ADAMTS20: variants seen among roughly 807,000 people sequenced by gnomAD.
ADAMTS20 encodes the protein A disintegrin and metalloproteinase with thrombospondin motifs 20.
A neutral mutation model predicts 260.1 loss-of-function variants in ADAMTS20; 225 were observed. That is an observed-to-expected ratio of 0.87 (90% confidence interval 0.78 to 0.97). ADAMTS20 has a LOEUF of 0.97. Ranked by LOEUF, ADAMTS20 falls within the 50% of genes least tolerant of loss-of-function variation. The pLI, the probability that ADAMTS20 is intolerant of heterozygous loss-of-function variation, is 0.00. For synonymous variants in ADAMTS20, 802 were observed against 769.5 expected (o/e 1.04, Z -0.70); for missense variants, 2,400 against 2,337.7 (o/e 1.03, Z -0.55).
chr12:43,538,568 G>T (rs780859993), intron 2 of ADAMTS20, among the ~76,000 whole-genome samples: 1 of 151,952 alleles, frequency 6.6e-6, no homozygotes, highest in South Asian at 2.1e-4. Flanking sequence ...GTGCTTGTGG[G>T]GTATTGCTCA....
At chr12:43,493,059 C>A (rs1942627730) in intron 5 of ADAMTS20, 111 bp downstream of exon 5, 2 of 768,996 alleles carry the variant, frequency 2.6e-6, no homozygotes, top group Admixed American at 2.9e-5. Flanking sequence ...CAAATCAAGT[C>A]TTTTAAAATT....
At chr12:43,486,080 T>G (rs1279670948) in intron 7 of ADAMTS20, among the ~76,000 whole-genome samples, 1 of 152,032 alleles carries the variant, frequency 6.6e-6, no homozygotes, top group Non-Finnish European at 1.5e-5. Flanking sequence ...AAACAACAAT[T>G]ATAAAATTCA....
chr12:43,494,089 T>C (rs1045335428), intron 4 of ADAMTS20, among the ~76,000 whole-genome samples: 3 of 152,210 alleles, frequency 2.0e-5, no homozygotes, highest in African/African-American at 7.2e-5. Context: ...GCCTGGTACT[T>C]AATTAGAGGC....
At chr12:43,482,473 C>T (rs1942456786) in intron 7 of ADAMTS20, among the ~76,000 whole-genome samples, 1 of 152,244 alleles carries the variant, frequency 6.6e-6, no homozygotes, top group Non-Finnish European at 1.5e-5. Context: ...TAAGACTTGC[C>T]TTGCAAGAGT....
intron 2 of ADAMTS20, among the ~76,000 whole-genome samples, chr12:43,539,014 G>A (rs1026480093): frequency 2.1e-5 from 3 of 145,904 alleles, no homozygotes; most frequent in Admixed American, 7.0e-5. Context: ...GTGCAGTGGC[G>A]TGATCTTAGC....
At position 43,387,922 on chromosome 12, in the gene ADAMTS20, C is replaced by A. The variant is rs148221651; in HGVS notation, c.4453-3945G>T. Among the ~76,000 whole-genome samples, 1,471 of 152,182 alleles carry A rather than the reference C, an allele frequency of 9.7e-3. 18 individuals carry two copies. The highest frequency in any genetic ancestry group is 0.033 in the African/African-American group (1,375 of 41,444). On this transcript the variant is annotated intron_variant, in intron 29 of 38. Coordinates refer to ENST00000389420, the MANE Select transcript of ADAMTS20 (RefSeq NM_025003.5). ...CCCAGGTTGACATCAGACTGCCGTG[C>A]TGGCAGCAAGAATTTCAAGCCAGTG...
chr12:43,464,868 A>C, intron 9 of ADAMTS20, 136 bp from the exon 10 acceptor site: 3 of 916,746 alleles, frequency 3.3e-6, no homozygotes, highest in Non-Finnish European at 4.7e-6. Flanking sequence ...AAACCAACTC[A>C]CATCAATATC....
chr12:43,459,375 C>G (rs1026789509), intron 11 of ADAMTS20, among the ~76,000 whole-genome samples: 10 of 152,218 alleles, frequency 6.6e-5, no homozygotes, highest in African/African-American at 2.4e-4. Context: ...CCATGGTTCT[C>G]TTCCATGACC....
chr12:43,467,807 A>C (rs1165993025), intron 8 of ADAMTS20, among the ~76,000 whole-genome samples: 1 of 152,140 alleles, frequency 6.6e-6, no homozygotes, highest in East Asian at 1.9e-4. Flanking sequence ...CTCCATTTGA[A>C]ATTATTATTC....
At chr12:43,479,346 AATTTG>A (rs1417633357) in intron 7 of ADAMTS20, among the ~76,000 whole-genome samples, 1 of 152,182 alleles carries the variant, frequency 6.6e-6, no homozygotes, top group African/African-American at 2.4e-5. Flanking sequence ...ACAATTAGCA[AATTTG>A]ATTTAATAGA....
At chr12:43,550,536 C>A in intron 2 of ADAMTS20, among the ~76,000 whole-genome samples, 1 of 152,062 alleles carries the variant, frequency 6.6e-6, no homozygotes, top group East Asian at 1.9e-4. Flanking sequence ...TAAGTAAATC[C>A]GGGGGATTCT....
intron 7 of ADAMTS20, among the ~76,000 whole-genome samples, chr12:43,484,519 G>A (rs1588450): frequency 0.24 from 37,103 of 151,914 alleles, 4,893 homozygotes; most frequent in African/African-American, 0.34. Flanking sequence ...ACACATTTAC[G>A]AAACTAGAAA....
intron 37 of ADAMTS20, among the ~76,000 whole-genome samples, chr12:43,360,517 G>A (rs1376416545): frequency 6.6e-6 from 1 of 151,950 alleles, no homozygotes; most frequent in Admixed American, 6.6e-5. Context: ...GAGAGTAGGG[G>A]TAGCAATGTT....
chr12:43,469,541 A>C (rs1592085221), intron 7 of ADAMTS20, among the ~76,000 whole-genome samples: 1 of 152,168 alleles, frequency 6.6e-6, no homozygotes, highest in Non-Finnish European at 1.5e-5. Context: ...TTTTAGCTTA[A>C]CATAATCCCA....
chr12:43,392,304 G>C (rs951520756), intron 29 of ADAMTS20, among the ~76,000 whole-genome samples: 1 of 152,002 alleles, frequency 6.6e-6, no homozygotes, highest in Non-Finnish European at 1.5e-5. Context: ...CTCTAAGCCT[G>C]AAAAAGAATT....
intron 37 of ADAMTS20, among the ~76,000 whole-genome samples, chr12:43,360,323 C>T (rs1001011427): frequency 1.3e-5 from 2 of 152,100 alleles, no homozygotes; most frequent in Admixed American, 1.3e-4. Context: ...GTGGCAGTCG[C>T]CTGTAATCCT....
intron 37 of ADAMTS20, among the ~76,000 whole-genome samples, chr12:43,366,471 T>C (rs762446770): frequency 6.6e-6 from 1 of 151,936 alleles, no homozygotes; most frequent in East Asian, 1.9e-4. Context: ...ATAAGGTCTG[T>C]AGTCTATAGA....
At chr12:43,534,288 A>G (rs1256881019) in intron 2 of ADAMTS20, among the ~76,000 whole-genome samples, 1 of 151,466 alleles carries the variant, frequency 6.6e-6, no homozygotes, top group Non-Finnish European at 1.5e-5. Flanking sequence ...CAAGAAAAAA[A>G]CAAACAACCC....
In ADAMTS20 at chr12:43,488,699, G is replaced by A. The variant is rs553746643; in HGVS notation, c.1117+1696C>T. 1.8e-4 allele frequency among the ~76,000 whole-genome samples: 28 copies of A among 152,226 alleles called. No homozygotes were observed. In the South Asian group the frequency reaches 3.1e-3, roughly 17 times the overall value. On this transcript the variant is annotated intron_variant, in intron 7 of 38. Coordinates refer to ENST00000389420, the MANE Select transcript of ADAMTS20 (RefSeq NM_025003.5). ...ATAAGGATTGCTTTAGCACCATTAC[G>A]TTAAATAAACAATGTGCATAGTGTA...
Sources: gnomAD v4.1 joint callset for allele counts (sites outside exome capture counted in the v4.1 genomes callset) on GRCh38, gnomAD v4.1.1 for gene constraint, MANE v1.5 for transcripts, NCBI Gene and HGNC (gene_info 2026-07-23, HGNC 2026-07-21) for gene names.